OMA1: variants seen among roughly 807,000 people sequenced by gnomAD.
OMA1 encodes OMA1 zinc metallopeptidase, also known as metalloendopeptidase OMA1, mitochondrial.
Under a neutral mutation model 30.9 loss-of-function variants are expected in OMA1, and 38 were observed. The ratio of observed to expected loss-of-function variants is 1.23; its 90% CI spans 0.95 to 1.61. The LOEUF (loss-of-function observed/expected upper bound fraction) is 1.61. OMA1 is among the 40% of genes most tolerant of loss of function. The pLI is 0.00. For synonymous variants in OMA1, 173 were observed against 121.9 expected, an observed-to-expected ratio of 1.42 and a Z score of -2.76; for missense variants, 461 against 349.2, an observed-to-expected ratio of 1.32 and a Z score of -2.55.
chr1:58,510,691 G>A lies in OMA1; in HGVS notation c.1216-4482C>T, dbSNP rs774321027. Among the ~76,000 whole-genome samples, 6 of 151,974 alleles carry A rather than the reference G, an allele frequency of 3.9e-5. No individual in the cohort carries two copies. The East Asian group carries it at 5.8e-4, about 15-fold the overall frequency. ...AAAGAAAGAAGTAAAATGATTTGCA[G>A]ATGATATGATCTTATAAGTAGAAAA... On this transcript the variant is annotated intron_variant, in intron 7 of 8. Coordinates refer to ENST00000371226, the MANE Select transcript of OMA1 (RefSeq NM_145243.5).
chr1:58,514,629 G>A (rs1646131494), intron 7 of OMA1, among the ~76,000 whole-genome samples: 1 of 152,176 alleles, frequency 6.6e-6, no homozygotes, highest in African/African-American at 2.4e-5. Context: ...ACATAGACAT[G>A]TGATAGGTAA....
intron 1 of OMA1, among the ~76,000 whole-genome samples, chr1:58,545,049 C>A (rs1361130065): frequency 6.6e-6 from 1 of 152,140 alleles, no homozygotes; most frequent in South Asian, 2.1e-4. Flanking sequence ...GTTGGTTTTC[C>A]ATGGCTTCCA....
chr1:58,531,368 G>T (rs998102113), intron 5 of OMA1, among the ~76,000 whole-genome samples: 2 of 152,124 alleles, frequency 1.3e-5, no homozygotes, highest in Admixed American at 6.5e-5. Flanking sequence ...TATTTATCAT[G>T]AAAGAATCAG....
At chr1:58,490,271 T>C (rs951319123) in intron 8 of OMA1, among the ~76,000 whole-genome samples, 4 of 152,110 alleles carry the variant, frequency 2.6e-5, no homozygotes, top group Non-Finnish European at 5.9e-5. Flanking sequence ...CTGAAAACCA[T>C]GGCACAAGAA....
chr1:58,518,248 AGAGGGGAGAGGGGAGAGGAGAGAGGAGAG>A (rs1646193160), intron 7 of OMA1, among the ~76,000 whole-genome samples: 1 of 15,776 alleles, frequency 6.3e-5, no homozygotes, highest in African/African-American at 3.9e-4. Flanking sequence ...GGGAGAGGGG[AGAGGGGAGAGGGGAGAGGAGAGAGGAGAG>A]GAGAAGAGAA....
chr1:58,525,834 T>C (rs1646340204), intron 7 of OMA1, among the ~76,000 whole-genome samples: 1 of 152,118 alleles, frequency 6.6e-6, no homozygotes, highest in Admixed American at 6.5e-5. Context: ...GTTATAGTGA[T>C]AATATGGTAC....
intron 8 of OMA1, among the ~76,000 whole-genome samples, chr1:58,491,453 A>T (rs1645687721): frequency 1.3e-5 from 2 of 152,188 alleles, no homozygotes; most frequent in Admixed American, 6.5e-5. Context: ...TGTTCCAATC[A>T]AAAGACACAG....
chr1:58,490,795 C>CTTTTT lies in OMA1; in HGVS notation c.1366-9626_1366-9622dup, dbSNP rs148145860. Among the ~76,000 whole-genome samples the CTTTTT allele has an allele frequency of 4.5e-3, 265 of 59,274 alleles. 29 individuals are homozygous for CTTTTT. Among genetic ancestry groups the CTTTTT allele is most frequent in the East Asian group, 8.6e-3 (12 of 1,390 alleles). 38.9% of individuals were successfully genotyped at this position (59,274 alleles called of 152,430 possible). On this transcript the variant is annotated intron_variant, in intron 8 of 8. Transcript: ENST00000371226. The stretch of plus-strand genomic sequence containing the variant: ...AGAGTGGGGGCCAATAGTCAACATT[C>CTTTTT]TTTTTTTTTTTTTTTTTTTTTTTTT...
intron 6 of OMA1, among the ~76,000 whole-genome samples, chr1:58,529,967 G>A (rs1002223825): frequency 8.6e-5 from 13 of 151,944 alleles, no homozygotes; most frequent in Non-Finnish European, 1.6e-4. Flanking sequence ...AGCAAGCTCT[G>A]CCTCCTGGGT....
At chr1:58,492,077 G>C (rs1476501402) in intron 8 of OMA1, among the ~76,000 whole-genome samples, 7 of 152,294 alleles carry the variant, frequency 4.6e-5, no homozygotes, top group African/African-American at 1.7e-4. Context: ...TCAGACCACA[G>C]TGCAATCAAA....
At chr1:58,541,293 CAAAAAAAAAAAAAAAAAAAAAA>C (rs71043292) in intron 1 of OMA1, among the ~76,000 whole-genome samples, 1,030 of 27,548 alleles carry the variant, frequency 0.037, 18 homozygotes, top group African/African-American at 0.1. Context: ...GACTCTGTCT[CAAAAAAAAAAAAAAAAAAAAAA>C]AAAAAAAAAA....
At position 58,533,959 on chromosome 1, in the gene OMA1, CCCAAG is replaced by C; in HGVS notation, c.1000_1004del (p.Leu334AlafsTer31). On this transcript the variant is annotated frameshift_variant, in exon 5 of 9. Transcript: ENST00000371226. LOFTEE classifies it high-confidence loss of function. ...ATTCATTTTAGGTACTTACAGCATG[CCCAAG>C]TACTGCATGTGCTATTTCATGGCCC... 1 of 872,092 alleles carries C rather than the reference CCCAAG, an allele frequency of 1.1e-6. No homozygotes were observed. Among genetic ancestry groups the C allele is most frequent in the Non-Finnish European group, 2.0e-6 (1 of 501,324 alleles). 54.0% of individuals were successfully genotyped at this position (872,092 alleles called of 1,614,324 possible).
chr1:58,530,129 C>T (rs1489055258), intron 6 of OMA1, among the ~76,000 whole-genome samples: 2 of 152,204 alleles, frequency 1.3e-5, no homozygotes, highest in African/African-American at 4.8e-5. Context: ...GATCCACCCA[C>T]CTTGGCCTCC....
intron 5 of OMA1, among the ~76,000 whole-genome samples, chr1:58,532,413 T>C (rs1646447741): frequency 6.6e-6 from 1 of 152,250 alleles, no homozygotes; most frequent in Non-Finnish European, 1.5e-5. Context: ...AATGCTAAAA[T>C]GGCCAAAACT....
chr1:58,508,756 A>T (rs1416275365), intron 7 of OMA1, among the ~76,000 whole-genome samples: 1 of 152,126 alleles, frequency 6.6e-6, no homozygotes, highest in Non-Finnish European at 1.5e-5. Flanking sequence ...TTGAACAAGC[A>T]CACAAGCAGT....
intron 7 of OMA1, among the ~76,000 whole-genome samples, chr1:58,511,851 T>G (rs1331521537): frequency 6.6e-6 from 1 of 152,128 alleles, no homozygotes; most frequent in Non-Finnish European, 1.5e-5. Context: ...TTTCATGACT[T>G]TGGTCTTGGC....
At chr1:58,490,204 G>C (rs559361438) in intron 8 of OMA1, among the ~76,000 whole-genome samples, 7 of 152,182 alleles carry the variant, frequency 4.6e-5, no homozygotes, top group African/African-American at 7.2e-5. Flanking sequence ...AAAAAGATTA[G>C]ACGAATGACT....
At chr1:58,494,655 G>C (rs1443655803) in intron 8 of OMA1, among the ~76,000 whole-genome samples, 8 of 151,868 alleles carry the variant, frequency 5.3e-5, no homozygotes, top group African/African-American at 1.5e-4. Context: ...GCAGCCAAAA[G>C]ACACATGAAA....
At chr1:58,532,044 CAAAAT>C (rs1028768137) in intron 5 of OMA1, among the ~76,000 whole-genome samples, 1 of 151,764 alleles carries the variant, frequency 6.6e-6, no homozygotes, top group African/African-American at 2.4e-5. Flanking sequence ...AAGTGAAACT[CAAAAT>C]AAGGAAGTTG....
Sources: gnomAD v4.1 joint callset for allele counts (sites outside exome capture counted in the v4.1 genomes callset) on GRCh38, gnomAD v4.1.1 for gene constraint, MANE v1.5 for transcripts, NCBI Gene and HGNC (gene_info 2026-07-23, HGNC 2026-07-21) for gene names.